BCR: variants seen among roughly 807,000 people sequenced by gnomAD.
BCR encodes the protein breakpoint cluster region protein.
BCR carries 58 observed loss-of-function variants against 138.6 expected under a neutral mutation model. The ratio of observed to expected loss-of-function variants is 0.42; its 90% CI spans 0.34 to 0.52. The LOEUF is 0.52. BCR is among the 20% of genes least tolerant of loss of function. BCR has a pLI of 0.06. For missense variants in BCR, 1,599 were observed against 1,727.2 expected (o/e 0.93, Z 1.32); for synonymous variants, 786 against 730.1 (o/e 1.08, Z -1.23).
chr22:23,229,111 G>A (rs1399739270), intron 1 of BCR, among the ~76,000 whole-genome samples: 1 of 151,928 alleles, frequency 6.6e-6, no homozygotes, highest in African/African-American at 2.4e-5. Flanking sequence ...CTATCTTTAA[G>A]TTCACTGACT....
At chr22:23,263,609 A>C in intron 4 of BCR, 1 of 1,521,018 alleles carries the variant, frequency 6.6e-7, no homozygotes, top group Non-Finnish European at 9.1e-7. Flanking sequence ...CATGATGAGG[A>C]CGTTTGCCAC....
intron 2 of BCR, chr22:23,254,388 A>G: frequency 4.2e-6 from 2 of 478,050 alleles, no homozygotes; most frequent in Admixed American, 2.1e-5. Context: ...CCATGTGACC[A>G]GAGCCTTTCC....
intron 5 of BCR, among the ~76,000 whole-genome samples, chr22:23,270,809 C>T (rs1038193139): frequency 2.0e-5 from 3 of 152,244 alleles, no homozygotes; most frequent in African/African-American, 7.2e-5. Context: ...TTCTGCACTT[C>T]TCCAGTGATG....
At chr22:23,242,285 A>G (rs1181682982) in intron 1 of BCR, among the ~76,000 whole-genome samples, 1 of 152,176 alleles carries the variant, frequency 6.6e-6, no homozygotes, top group Non-Finnish European at 1.5e-5. Flanking sequence ...CTGGTGGAAG[A>G]TAAGGGTTAC....
chr22:23,196,778 C>T (rs992199386), intron 1 of BCR, among the ~76,000 whole-genome samples: 8 of 152,138 alleles, frequency 5.3e-5, no homozygotes, highest in African/African-American at 9.7e-5. Flanking sequence ...TGCTGCCGGC[C>T]TGACAGGAGG....
rs1445908417 is a variant in BCR, at chr22:23,222,056, A to G, written c.1280-31743A>G. Among the ~76,000 whole-genome samples, 4 of 152,002 alleles carry G rather than the reference A, an allele frequency of 2.6e-5. 1 individual carries two copies. The highest frequency in any genetic ancestry group is 9.7e-5 in the African/African-American group (4 of 41,310). ...CAGTGAGCTGAGATCATGCCACTGC[A>G]CTCCAGCTTGGGCAACAGAGTGAGA... On this transcript the variant is annotated intron_variant, in intron 1 of 22. Coordinates refer to ENST00000305877, the MANE Select transcript of BCR (RefSeq NM_004327.4).
chr22:23,231,158 A>G (rs187659670), intron 1 of BCR, among the ~76,000 whole-genome samples: 1 of 152,104 alleles, frequency 6.6e-6, no homozygotes, highest in Non-Finnish European at 1.5e-5. Context: ...GAAAGAAGGG[A>G]TTTTGTTTTT....
At chr22:23,199,749 A>G (rs1222335056) in intron 1 of BCR, among the ~76,000 whole-genome samples, 1 of 152,098 alleles carries the variant, frequency 6.6e-6, no homozygotes, top group Non-Finnish European at 1.5e-5. Context: ...AAGTCTGTGA[A>G]TTAATTGGAG....
intron 1 of BCR, among the ~76,000 whole-genome samples, chr22:23,225,486 C>T (rs1290270386): frequency 6.6e-6 from 1 of 152,146 alleles, no homozygotes; most frequent in Non-Finnish European, 1.5e-5. Context: ...TGCACGGGGA[C>T]CTGGAGGATG....
Position 23,289,633 on chromosome 22 carries a change from C to CG in BCR, c.2707+13dup, listed in dbSNP as rs71320684. 60 of 1,608,774 alleles carry CG rather than the reference C, an allele frequency of 3.7e-5. No homozygotes were observed. Among genetic ancestry groups the CG allele is most frequent in the Admixed American group, 5.0e-5 (3 of 59,990 alleles). Reference sequence around the variant, plus strand: ...CATCAATAAGGAAGGTGGGCCCCCCCGTTTCCGTGTACAGGGCACCTGCAG... The same window carrying CG: ...CATCAATAAGGAAGGTGGGCCCCCCCGGTTTCCGTGTACAGGGCACCTGCAG... On this transcript the variant is annotated intron_variant, in intron 13 of 22. Transcript: ENST00000305877.
chr22:23,246,840 G>A (rs2073163045), intron 1 of BCR, among the ~76,000 whole-genome samples: 3 of 152,018 alleles, frequency 2.0e-5, no homozygotes, highest in African/African-American at 4.8e-5. Context: ...GAAGCACTAC[G>A]GGTATTCCCT....
chr22:23,273,395 AGT>A (rs1404607011), intron 7 of BCR, among the ~76,000 whole-genome samples: 1 of 152,190 alleles, frequency 6.6e-6, no homozygotes, highest in East Asian at 1.9e-4. Flanking sequence ...CTTACAGAGG[AGT>A]CCTTCTTGGC....
Position 23,292,534 on chromosome 22 carries a change from C to T in BCR, c.2783-7C>T. The stretch of plus-strand genomic sequence containing the variant: ...GTGACCTTCTCCATGTCCACTTCTC[C>T]CCACAGATCTGTACTGCACCCTGGA... On this transcript the variant is annotated splice_polypyrimidine_tract_variant and splice_region_variant and intron_variant, in intron 14 of 22. Coordinates refer to ENST00000305877, the MANE Select transcript of BCR (RefSeq NM_004327.4). 6.2e-7 allele frequency: 1 copy of T among 1,609,094 alleles called. No homozygotes were observed. The highest frequency in any genetic ancestry group is 8.5e-7 in the Non-Finnish European group (1 of 1,176,078).
intron 1 of BCR, among the ~76,000 whole-genome samples, chr22:23,190,064 G>A (rs2072394689): frequency 6.6e-6 from 1 of 152,192 alleles, no homozygotes; most frequent in Admixed American, 6.5e-5. Context: ...TGGTTCCCTG[G>A]AGGGCTCTCA....
chr22:23,181,099 C>G lies in BCR; in HGVS notation c.139C>G (p.Gln47Glu), dbSNP rs1353499460. 4.0e-6 allele frequency: 6 copies of G among 1,510,722 alleles called. No individual in the cohort carries two copies. Among genetic ancestry groups the G allele is most frequent in the Non-Finnish European group, 5.3e-6 (6 of 1,122,872 alleles). 93.6% of individuals were successfully genotyped at this position (1,510,722 alleles called of 1,614,324 possible). A position where few individuals can be genotyped will look rare whatever the true frequency, so the allele number is the denominator to read the frequency against. Residue 47 changes from glutamine (Q) to glutamate (E), a missense_variant, in exon 1 of 23, where the codon CAG (glutamine) becomes GAG (glutamate). Transcript: ENST00000305877. ...CAAGGCCTCCATTCGGCGCCTGGAG[C>G]AGGAGGTGAACCAGGAGCGCTTCCG... is the stretch of plus-strand genomic sequence containing the variant. ...RCKASIRRLEQEVNQERFRMI... is the reference protein window; with the variant it reads ...RCKASIRRLEEEVNQERFRMI...
chr22:23,254,674 C>A (rs2073272855), intron 2 of BCR: 6 of 490,912 alleles, frequency 1.2e-5, no homozygotes, highest in South Asian at 7.4e-5. Context: ...TCCCACAGCT[C>A]AGGGGGCTGC....
intron 1 of BCR, among the ~76,000 whole-genome samples, chr22:23,240,511 C>T (rs113528481): frequency 5.9e-5 from 9 of 151,946 alleles, no homozygotes; most frequent in African/African-American, 2.2e-4. Context: ...ATCAGCCGGG[C>T]GTGGTGGCGG....
In BCR at chr22:23,253,985, G is replaced by A. The variant is rs1262935470; in HGVS notation, c.1461+5G>A. 1 of 1,608,570 alleles carries A rather than the reference G, an allele frequency of 6.2e-7. No individual in the cohort carries two copies. Among genetic ancestry groups the A allele is most frequent in the Non-Finnish European group, 8.5e-7 (1 of 1,177,520 alleles). On this transcript the variant is annotated splice_donor_5th_base_variant and intron_variant, in intron 2 of 22. Transcript: ENST00000305877. ...GCCCTGGAGTCCACTAAAGCGGTGAGTCCCCATGGTGTACGTGTGGCAGGA... is the reference window on the plus strand; with the variant it reads ...GCCCTGGAGTCCACTAAAGCGGTGAATCCCCATGGTGTACGTGTGGCAGGA...
intron 1 of BCR, among the ~76,000 whole-genome samples, chr22:23,241,633 A>AGCTTCT (rs2073093330): frequency 1.3e-5 from 2 of 152,050 alleles, no homozygotes; most frequent in Admixed American, 6.5e-5. Context: ...AGGGACTAGA[A>AGCTTCT]GCTCAGCATC....
Sources: allele counts gnomAD v4.1 joint callset (sites outside exome capture counted in the v4.1 genomes callset), GRCh38; gene constraint gnomAD v4.1.1; transcripts MANE v1.5; gene names NCBI Gene and HGNC (gene_info 2026-07-23, HGNC 2026-07-21).